Variants in ATXN1 observed in about 807,000 individuals in gnomAD.
ATXN1 encodes the protein ataxin-1.
In ATXN1, 8 loss-of-function variants were observed where a neutral mutation model predicts 56.4. That is an observed-to-expected ratio of 0.14 (90% CI 0.08 to 0.26). ATXN1 has a LOEUF of 0.26. Ranked by LOEUF, ATXN1 falls within the 10% of genes least tolerant of loss-of-function variation. ATXN1 has a pLI of 1.00. For missense variants in ATXN1, 987 were observed against 1,106.5 expected, an observed-to-expected ratio of 0.89 and a Z score of 1.53; for synonymous variants, 514 against 494.6, an observed-to-expected ratio of 1.04 and a Z score of -0.52.
intron 2 of ATXN1, among the ~76,000 whole-genome samples, chr6:16,743,656 G>A (rs1760421189): frequency 6.6e-6 from 1 of 152,212 alleles, no homozygotes; most frequent in African/African-American, 2.4e-5. Context: ...AGAATGGGGT[G>A]CTATGGGAAC....
chr6:16,581,600 T>A lies in ATXN1; in HGVS notation c.-361+4180A>T, dbSNP rs544853905. 5.9e-5 allele frequency among the ~76,000 whole-genome samples: 9 copies of A among 151,996 alleles called. No individual in the cohort carries two copies. The South Asian group carries it at 1.5e-3, about 25-fold the overall frequency. On this transcript the variant is annotated intron_variant, in intron 4 of 7. Coordinates refer to ENST00000436367, the MANE Select transcript of ATXN1 (RefSeq NM_001128164.2). The stretch of plus-strand genomic sequence containing the variant: ...TGCTGAGTGGAAGGGTACCAAATAG[T>A]AAAGAGGTCAAGATGTGACAAATGG...
At chr6:16,604,334 AAAAAAAAC>A (rs1349701158) in intron 3 of ATXN1, among the ~76,000 whole-genome samples, 5 of 149,530 alleles carry the variant, frequency 3.3e-5, no homozygotes, top group Non-Finnish European at 7.4e-5. Context: ...CAAAAAAAAA[AAAAAAAAC>A]AAAAATTATC....
chr6:16,582,863 C>T (rs1005578876), intron 4 of ATXN1, among the ~76,000 whole-genome samples: 3 of 152,144 alleles, frequency 2.0e-5, no homozygotes, highest in Non-Finnish European at 4.4e-5. Flanking sequence ...AAGTGCTATT[C>T]AAATACCAAA....
intron 3 of ATXN1, among the ~76,000 whole-genome samples, chr6:16,622,367 T>C (rs934479439): frequency 1.3e-5 from 2 of 151,844 alleles, no homozygotes; most frequent in African/African-American, 4.8e-5. Context: ...ATGATGACCA[T>C]GGTGGTGGTG....
rs1000992159 is a variant in ATXN1 at position 16,410,988 on chromosome 6, A to G, written c.-161+74984T>C. Among the ~76,000 whole-genome samples the G allele has an allele frequency of 4.6e-5, 7 of 152,024 alleles. No homozygotes were observed. The highest frequency in any genetic ancestry group is 1.5e-5 in the Non-Finnish European group (1 of 67,982). ...AAAAATACAAAAATTAGCCGTGTGT[A>G]GTAGCACATGCCTGTAGTTTCAGCT... On this transcript the variant is annotated intron_variant, in intron 6 of 7. Transcript: ENST00000436367. This position sits in a 1 kb window ranked among gnomAD's most constrained non-coding sequence, Gnocchi z 4.6.
At chr6:16,492,056 G>A (rs1393477843) in intron 5 of ATXN1, among the ~76,000 whole-genome samples, 1 of 152,136 alleles carries the variant, frequency 6.6e-6, no homozygotes, top group Non-Finnish European at 1.5e-5. Context: ...AGGCAGCCCT[G>A]TTGACACCTC....
chr6:16,657,424 G>T (rs2237162), intron 3 of ATXN1, among the ~76,000 whole-genome samples: 1 of 152,154 alleles, frequency 6.6e-6, no homozygotes, highest in Non-Finnish European at 1.5e-5. Context: ...CCTCTCGTGC[G>T]ATTAATCCCT....
At chr6:16,584,214 G>A (rs146406644) in intron 4 of ATXN1, among the ~76,000 whole-genome samples, 2 of 62,144 alleles carry the variant, frequency 3.2e-5, no homozygotes, top group African/African-American at 6.9e-5. Context: ...TCATGTTCCC[G>A]ATATTGGACA....
chr6:16,388,423 A>T (rs1257400316), intron 6 of ATXN1, among the ~76,000 whole-genome samples: 1 of 152,208 alleles, frequency 6.6e-6, no homozygotes, highest in Admixed American at 6.5e-5. Flanking sequence ...GTAGCACTAG[A>T]TTGTCTGCTT....
chr6:16,343,658 C>G (rs1417148632), intron 6 of ATXN1, among the ~76,000 whole-genome samples: 1 of 152,126 alleles, frequency 6.6e-6, no homozygotes, highest in African/African-American at 2.4e-5. Flanking sequence ...TCCCTGTATG[C>G]CTCTTCTCCC....
At chr6:16,631,433 C>A (rs148730939) in intron 3 of ATXN1, among the ~76,000 whole-genome samples, 1 of 152,172 alleles carries the variant, frequency 6.6e-6, no homozygotes, top group South Asian at 2.1e-4. Context: ...CCCCTTGAGT[C>A]CCTTGAATAT....
intron 6 of ATXN1, among the ~76,000 whole-genome samples, chr6:16,369,533 G>A (rs1253850976): frequency 4.6e-5 from 7 of 152,288 alleles, no homozygotes; most frequent in South Asian, 2.1e-4. Context: ...TTACTCATGC[G>A]GTAAATGCCC....
intron 4 of ATXN1, among the ~76,000 whole-genome samples, chr6:16,568,971 C>T (rs236951): frequency 0.018 from 2,794 of 152,116 alleles, 66 homozygotes; most frequent in African/African-American, 0.063. Context: ...GGAATTTCCC[C>T]GTAATTTAGT....
At chr6:16,338,341 A>T (rs1761171094) in intron 6 of ATXN1, among the ~76,000 whole-genome samples, 1 of 152,140 alleles carries the variant, frequency 6.6e-6, no homozygotes, top group Non-Finnish European at 1.5e-5. Flanking sequence ...AAAATACAAA[A>T]AATGAGCCAG....
intron 6 of ATXN1, among the ~76,000 whole-genome samples, chr6:16,465,456 T>A (rs533160463): frequency 2.0e-5 from 3 of 152,034 alleles, no homozygotes; most frequent in South Asian, 2.1e-4. Flanking sequence ...AAATTCCATT[T>A]CCAAAAACAA....
chr6:16,354,897 G>T (rs1328063240), intron 6 of ATXN1, among the ~76,000 whole-genome samples: 1 of 152,230 alleles, frequency 6.6e-6, no homozygotes, highest in Non-Finnish European at 1.5e-5. Flanking sequence ...GTAGCCTATG[G>T]TCAGAGCACA....
intron 6 of ATXN1, among the ~76,000 whole-genome samples, chr6:16,380,195 A>G (rs900808215): frequency 6.6e-6 from 1 of 152,206 alleles, no homozygotes; most frequent in African/African-American, 2.4e-5. Flanking sequence ...TTAGAACAGA[A>G]GCCAGGAGAA....
chr6:16,601,855 A>G (rs1159087768), intron 3 of ATXN1, among the ~76,000 whole-genome samples: 1 of 152,174 alleles, frequency 6.6e-6, no homozygotes, highest in African/African-American at 2.4e-5. Flanking sequence ...TTTGTCTCAA[A>G]AAAGAAAAAA....
At chr6:16,423,912 C>T (rs2327959) in intron 6 of ATXN1, among the ~76,000 whole-genome samples, 126,927 of 152,208 alleles carry the variant, frequency 0.83, 53,576 homozygotes, top group East Asian at 0.98. Flanking sequence ...TTGAAGCAAA[C>T]GAAACTTATG....
Sources: allele counts gnomAD v4.1 joint callset (sites outside exome capture counted in the v4.1 genomes callset), GRCh38; gene constraint gnomAD v4.1.1; non-coding constraint Gnocchi (gnomAD v3.1); transcripts MANE v1.5; gene names NCBI Gene and HGNC (gene_info 2026-07-23, HGNC 2026-07-21).